HTR3A: variants seen among roughly 807,000 people sequenced by gnomAD.
HTR3A encodes the protein 5-hydroxytryptamine (serotonin) receptor 3A, ionotropic.
A neutral mutation model predicts 54.8 loss-of-function variants in HTR3A; 45 were observed. The ratio of observed to expected loss-of-function variants is 0.82; its 90% CI spans 0.65 to 1.05. The LOEUF is 1.05. Among genes scored for constraint, HTR3A ranks in the 50% least tolerant of loss-of-function variants. The pLI is 0.00. For missense variants in HTR3A, 657 were observed against 614.0 expected, an observed-to-expected ratio of 1.07 and a Z score of -0.74; for synonymous variants, 297 against 256.0, an observed-to-expected ratio of 1.16 and a Z score of -1.53.
chr11:113,988,525 G>A (rs1044165780), intron 8 of HTR3A, among the ~76,000 whole-genome samples: 2 of 152,192 alleles, frequency 1.3e-5, no homozygotes, highest in East Asian at 3.8e-4. Flanking sequence ...CACTTTGGGA[G>A]GCCAAGGGGG....
chr11:113,990,285 G>T lies in HTR3A; in HGVS notation c.*522G>T. 2 of 432,514 alleles carry T rather than the reference G, an allele frequency of 4.6e-6. No individual in the cohort carries two copies. The highest frequency in any genetic ancestry group is 3.3e-5 in the South Asian group (2 of 61,002). 26.8% of individuals were successfully genotyped at this position (432,514 alleles called of 1,614,324 possible). ...CATCCCCCATCAGATGATGGGAGTG[G>T]GAAGAATAAAATGCAGTGAAACCCT... On this transcript the variant is annotated 3_prime_UTR_variant, in exon 9 of 9. Coordinates refer to ENST00000504030, the MANE Select transcript of HTR3A (RefSeq NM_000869.6).
chr11:113,977,890 A>G lies in HTR3A; in HGVS notation c.187A>G (p.Ile63Val), dbSNP rs1344718060. 4.3e-6 allele frequency: 7 copies of G among 1,614,216 alleles called. No homozygotes were observed. Among genetic ancestry groups the G allele is most frequent in the South Asian group, 1.1e-5 (1 of 91,090 alleles). Reference sequence around the variant, plus strand: ...CTGGAGGAAGCCAACCACCGTATCCATTGACGTCATTGTCTATGCCATCCT... The same window carrying G: ...CTGGAGGAAGCCAACCACCGTATCCGTTGACGTCATTGTCTATGCCATCCT... ...RDWRKPTTVS[I>V]DVIVYAILNV... is the part of the protein sequence containing the mutation. The change falls in exon 2 of 9, where the codon ATT becomes GTT. Residue 63 changes from isoleucine to valine, a missense_variant. By Grantham distance (29) the Ile-to-Val change is conservative. Transcript: ENST00000504030.
In HTR3A at chr11:113,986,890, C is replaced by T. The variant is rs147921110; in HGVS notation, c.982C>T (p.Arg328Trp). Residue 328 changes from arginine (R) to tryptophan (W), a missense_variant, in exon 8 of 9, where the codon CGG (arginine) becomes TGG (tryptophan). Physicochemically the swap from Arg to Trp is moderately radical, Grantham distance 101. Coordinates refer to ENST00000504030, the MANE Select transcript of HTR3A (RefSeq NM_000869.6). Reference protein sequence around the residue: ...ISLAETIFIVRLVHKQDLQQP... With the variant: ...ISLAETIFIVWLVHKQDLQQP... The stretch of plus-strand genomic sequence containing the variant: ...TTTGGCCGAGACCATCTTCATTGTG[C>T]GGCTGGTGCACAAGCAAGACCTGCA... 200 of 1,614,090 alleles carry T rather than the reference C, an allele frequency of 1.2e-4. No homozygotes were observed. Among genetic ancestry groups the T allele is most frequent in the African/African-American group, 1.0e-3 (75 of 75,024 alleles).
rs1185682199 is a variant in HTR3A at position 113,989,788 on chromosome 11, G to A, written c.*25G>A. 2 of 1,603,752 alleles carry A rather than the reference G, an allele frequency of 1.2e-6. No homozygotes were observed. The highest frequency in any genetic ancestry group is 1.3e-5 in the African/African-American group (1 of 74,904). ...AGTGGGTACAGCCCAGTGGAGGAGG[G>A]GGTACAGTCCTGGTTAGGTGGGGAC... On this transcript the variant is annotated 3_prime_UTR_variant, in exon 9 of 9. Coordinates refer to ENST00000504030, the MANE Select transcript of HTR3A (RefSeq NM_000869.6). The surrounding 1 kb of genome is among the most constrained non-coding windows in gnomAD (Gnocchi z 4.4).
intron 3 of HTR3A, among the ~76,000 whole-genome samples, chr11:113,979,657 G>A (rs980591396): frequency 7.2e-5 from 11 of 152,110 alleles, no homozygotes; most frequent in African/African-American, 2.7e-4. Context: ...GATTGAAACA[G>A]GATGGTTCGT....
At chr11:113,978,077 C>T (rs1300004502) in intron 2 of HTR3A, among the ~76,000 whole-genome samples, 155 bp downstream of exon 2, 2 of 152,208 alleles carry the variant, frequency 1.3e-5, no homozygotes, top group Non-Finnish European at 2.9e-5. Flanking sequence ...GTAGCATCAT[C>T]TGCACAGCTG....
chr11:113,987,590 G>T (rs1405201527), intron 8 of HTR3A, among the ~76,000 whole-genome samples: 3 of 151,670 alleles, frequency 2.0e-5, no homozygotes, highest in Non-Finnish European at 4.4e-5. Context: ...TTTCAAGTTG[G>T]CTGGGCATGG....
In HTR3A at chr11:113,989,528, G is replaced by C; in HGVS notation, c.1202G>C (p.Arg401Thr). The C allele has an allele frequency of 6.2e-7, 1 of 1,614,154 alleles. No homozygotes were observed. The highest frequency in any genetic ancestry group is 8.5e-7 in the Non-Finnish European group (1 of 1,180,032). Residue 401 changes from arginine to threonine, a missense_variant, in exon 9 of 9, where the codon AGA (arginine) becomes ACA (threonine). Transcript: ENST00000504030. The surrounding 1 kb of genome is among the most constrained non-coding windows in gnomAD (Gnocchi z 4.4). ...GACTTCGAGAAGAGCCCGAGGGACAGATGTAGCCCTCCCCCACCACCTCGG... is the reference window on the plus strand; with the variant it reads ...GACTTCGAGAAGAGCCCGAGGGACACATGTAGCCCTCCCCCACCACCTCGG... ...PQDFEKSPRDRCSPPPPPREA... is the reference protein window; with the variant it reads ...PQDFEKSPRDTCSPPPPPREA...
In HTR3A at chr11:113,975,218, G is replaced by A. The variant is rs562935146; in HGVS notation, c.-108G>A. 1,353 of 1,075,166 alleles carry A rather than the reference G, an allele frequency of 1.3e-3. 13 individuals are homozygous for A. In the African/African-American group the frequency reaches 0.019, roughly 15 times the overall value. 66.6% of individuals were successfully genotyped at this position (1,075,166 alleles called of 1,614,324 possible). A position where few individuals can be genotyped will look rare whatever the true frequency, so the allele number is the denominator to read the frequency against. ...CTCAGAAGGTGTGAGCAGTGGCCAC[G>A]AGAGGCAGGCTGGCTGGGACATGAG... On this transcript the variant is annotated 5_prime_UTR_variant, in exon 1 of 9. Coordinates refer to ENST00000504030, the MANE Select transcript of HTR3A (RefSeq NM_000869.6).
chr11:113,986,664 C>G lies in HTR3A; in HGVS notation c.852C>G (p.Tyr284Ter), dbSNP rs768956095. Reference protein sequence around the residue: ...VSFKITLLLGYSVFLIIVSDT... With the variant: ...VSFKITLLLG ...TCAAGATTACACTCCTCCTGGGCTA[C>G]TCGGTCTTCCTGATCATCGTTTCTG... The change falls in exon 7 of 9, where the codon TAC becomes TAG. Residue 284 changes from tyrosine to a stop codon, truncating the protein, a stop_gained. Transcript: ENST00000504030. LOFTEE classifies it high-confidence loss of function. 1.2e-6 allele frequency: 2 copies of G among 1,614,188 alleles called. No homozygotes were observed. The highest frequency in any genetic ancestry group is 2.2e-5 in the South Asian group (2 of 91,080).
In HTR3A at chr11:113,989,805, G is replaced by T; in HGVS notation, c.*42G>T. On this transcript the variant is annotated 3_prime_UTR_variant, in exon 9 of 9. Coordinates refer to ENST00000504030, the MANE Select transcript of HTR3A (RefSeq NM_000869.6). This position sits in a 1 kb window ranked among gnomAD's most constrained non-coding sequence, Gnocchi z 4.4. ...GGAGGAGGGGGTACAGTCCTGGTTA[G>T]GTGGGGACAGAGGATTTCTGCTTAG... 1 of 1,595,740 alleles carries T rather than the reference G, an allele frequency of 6.3e-7. No individual in the cohort carries two copies. Among genetic ancestry groups the T allele is most frequent in the South Asian group, 1.1e-5 (1 of 90,928 alleles).
In HTR3A at chr11:113,986,640, C is replaced by T. The variant is rs1475067172; in HGVS notation, c.828C>T (p.Phe276=). ...LPPNSGERVS[F]KITLLLGYSV... ...CCAACAGTGGCGAGAGGGTCTCTTT[C>T]AAGATTACACTCCTCCTGGGCTACT... is the stretch of plus-strand genomic sequence containing the variant. The change falls in exon 7 of 9, where the codon TTC becomes TTT. Residue 276 remains phenylalanine (F), a synonymous_variant. Transcript: ENST00000504030. 2 of 1,614,122 alleles carry T rather than the reference C, an allele frequency of 1.2e-6. No individual in the cohort carries two copies. Among genetic ancestry groups the T allele is most frequent in the African/African-American group, 1.3e-5 (1 of 75,052 alleles).
At chr11:113,978,526 C>T (rs771800837) in intron 2 of HTR3A, among the ~76,000 whole-genome samples, 1 of 152,020 alleles carries the variant, frequency 6.6e-6, no homozygotes, top group Non-Finnish European at 1.5e-5. Flanking sequence ...ATTAGTCAGC[C>T]CTCCTGACTA....
rs1431012682 is a variant in HTR3A, at chr11:113,975,339, T to C, written c.14T>C (p.Val5Ala). The C allele has an allele frequency of 1.9e-6, 3 of 1,613,458 alleles. No individual in the cohort carries two copies. The South Asian group carries it at 3.3e-5, about 18-fold the overall frequency. Residue 5 changes from valine (V) to alanine (A), a missense_variant, in exon 1 of 9, where the codon GTC becomes GCC. Coordinates refer to ENST00000504030, the MANE Select transcript of HTR3A (RefSeq NM_000869.6). The part of the protein sequence containing the change: MLLW[V>A]QQALLALLLP... Reference sequence around the variant, plus strand: ...GGAAAGCTCGCTATGCTGCTGTGGGTCCAGCAGGCGCTGCTCGCCTTGCTC... The same window carrying C: ...GGAAAGCTCGCTATGCTGCTGTGGGCCCAGCAGGCGCTGCTCGCCTTGCTC...
At position 113,983,146 on chromosome 11, in the gene HTR3A, T is replaced by A. The variant is rs1475916887; in HGVS notation, c.401T>A (p.Ile134Asn). Residue 134 changes from isoleucine to asparagine, a missense_variant, in exon 5 of 9, where the codon ATC (isoleucine) becomes AAC (asparagine). By Grantham distance (149) the Ile-to-Asn change is moderately radical. Coordinates refer to ENST00000504030, the MANE Select transcript of HTR3A (RefSeq NM_000869.6). ...GTGGATGTGGGGAAGTCTCCAAATA[T>A]CCCGTACGTGTATATTCGGCATCAA... Reference protein sequence around the residue: ...EFVDVGKSPNIPYVYIRHQGE... With the variant: ...EFVDVGKSPNNPYVYIRHQGE... 2 of 1,613,988 alleles carry A rather than the reference T, an allele frequency of 1.2e-6. No individual in the cohort carries two copies. The highest frequency in any genetic ancestry group is 3.3e-5 in the Admixed American group (2 of 59,998).
At chr11:113,988,052 T>C (rs1359857446) in intron 8 of HTR3A, among the ~76,000 whole-genome samples, 5 of 152,332 alleles carry the variant, frequency 3.3e-5, no homozygotes, top group African/African-American at 1.2e-4. Flanking sequence ...AGCCAGGAAT[T>C]GGTAGAACCC....
chr11:113,977,080 C>G (rs1347920292), intron 1 of HTR3A, among the ~76,000 whole-genome samples: 1 of 152,124 alleles, frequency 6.6e-6, no homozygotes, highest in African/African-American at 2.4e-5. Context: ...AACCACCTAT[C>G]TAAGCCCATC....
At position 113,986,810 on chromosome 11, in the gene HTR3A, C is replaced by A; in HGVS notation, c.917-15C>A. The stretch of plus-strand genomic sequence containing the variant: ...CTCCTGCATGTGTCTCTTGCCTCTG[C>A]CCTGGGCTGCACAGGTGTCTACTTT... On this transcript the variant is annotated splice_polypyrimidine_tract_variant and intron_variant, in intron 7 of 8. Transcript: ENST00000504030. 6.2e-7 allele frequency: 1 copy of A among 1,614,096 alleles called. No homozygotes were observed. The highest frequency in any genetic ancestry group is 8.5e-7 in the Non-Finnish European group (1 of 1,179,988).
intron 2 of HTR3A, among the ~76,000 whole-genome samples, chr11:113,978,271 G>A (rs1950378641): frequency 6.6e-6 from 1 of 152,254 alleles, no homozygotes; most frequent in Non-Finnish European, 1.5e-5. Flanking sequence ...ACACATCCCT[G>A]GTACCTGGCA....
Sources: gnomAD v4.1 joint callset for allele counts (sites outside exome capture counted in the v4.1 genomes callset) on GRCh38, gnomAD v4.1.1 for gene constraint, Gnocchi (gnomAD v3.1) non-coding constraint, MANE v1.5 for transcripts, NCBI Gene and HGNC (gene_info 2026-07-23, HGNC 2026-07-21) for gene names.